The following SEPTIN10 variants were observed in gnomAD, a reference collection of about 807,000 sequenced individuals.
The protein encoded by SEPTIN10 is septin-10.
A neutral mutation model predicts 54.8 loss-of-function variants in SEPTIN10; 66 were observed. The observed-to-expected ratio is 1.21, with a 90% CI of 0.99 to 1.48. The LOEUF is 1.48. SEPTIN10 is among the 40% of genes most tolerant of loss of function. The probability of loss-of-function intolerance (pLI) is 0.00; values close to 1 mark genes in which losing one functional copy is unlikely to be tolerated. For missense variants in SEPTIN10, 620 were observed against 545.6 expected (o/e 1.14, Z -1.36); for synonymous variants, 161 against 181.0 (o/e 0.89, Z 0.89).
intron 3 of SEPTIN10, among the ~76,000 whole-genome samples, 164 bp from the exon 4 acceptor site, chr2:109,585,485 T>C (rs913098659): frequency 4.6e-5 from 7 of 152,214 alleles, no homozygotes; most frequent in South Asian, 2.1e-4. Flanking sequence ...TAGCAGAGCA[T>C]AGAGTAAGTG....
intron 8 of SEPTIN10, among the ~76,000 whole-genome samples, chr2:109,557,242 C>T (rs1684593246): frequency 6.6e-6 from 1 of 151,682 alleles, no homozygotes. Context: ...TAAAACAATG[C>T]TTCATTAATC....
chr2:109,569,476 T>A (rs1687862753), intron 5 of SEPTIN10, among the ~76,000 whole-genome samples: 1 of 151,742 alleles, frequency 6.6e-6, no homozygotes. Flanking sequence ...ATAATTCCTA[T>A]TCTAAATTTT....
At chr2:109,545,268 G>A (rs1680890323) in intron 10 of SEPTIN10, 7 of 1,395,670 alleles carry the variant, frequency 5.0e-6, no homozygotes, top group African/African-American at 2.9e-5. Flanking sequence ...TAGTTAAACC[G>A]ACAGGGATAC....
intron 1 of SEPTIN10, among the ~76,000 whole-genome samples, chr2:109,608,292 A>C (rs1469158561): frequency 6.6e-6 from 1 of 152,200 alleles, no homozygotes; most frequent in East Asian, 1.9e-4. Flanking sequence ...CACTCACAGA[A>C]CATTCAAGGT....
chr2:109,571,898 CTT>C lies in SEPTIN10; in HGVS notation c.600+2681_600+2682del, dbSNP rs907608887. Among the ~76,000 whole-genome samples, 80 of 152,208 alleles carry C rather than the reference CTT, an allele frequency of 5.3e-4. 6 individuals are homozygous for C. Among genetic ancestry groups the C allele is most frequent in the African/African-American group, 2.4e-5 (1 of 41,448 alleles). ...CAATATAAATTGCTCCTGGCTAACA[CTT>C]CTTAAAGACTTTTGATGACTCAAAG... On this transcript the variant is annotated intron_variant, in intron 5 of 10. Coordinates refer to ENST00000397712, the MANE Select transcript of SEPTIN10 (RefSeq NM_144710.5).
intron 8 of SEPTIN10, among the ~76,000 whole-genome samples, chr2:109,560,078 G>A (rs915430414): frequency 1.3e-5 from 2 of 151,862 alleles, no homozygotes; most frequent in South Asian, 4.2e-4. Context: ...CCGCCACCAC[G>A]CCCAGCTAAT....
chr2:109,575,158 T>C (rs1689386156), intron 4 of SEPTIN10, among the ~76,000 whole-genome samples: 2 of 152,252 alleles, frequency 1.3e-5, no homozygotes, highest in Admixed American at 1.3e-4. Flanking sequence ...TTCATTCTCA[T>C]AGTCATTCAC....
intron 9 of SEPTIN10, among the ~76,000 whole-genome samples, chr2:109,547,214 G>A (rs973281145): frequency 2.0e-5 from 3 of 152,106 alleles, no homozygotes; most frequent in Admixed American, 1.3e-4. Flanking sequence ...TGCCTCTAGA[G>A]ACTCCAAGTC....
intron 9 of SEPTIN10, among the ~76,000 whole-genome samples, chr2:109,551,445 C>T (rs184787620): frequency 8.7e-4 from 132 of 152,240 alleles, no homozygotes; most frequent in East Asian, 6.6e-3. Flanking sequence ...GTACAATATG[C>T]AATCTGTGAT....
intron 1 of SEPTIN10, among the ~76,000 whole-genome samples, chr2:109,602,885 T>C (rs888135545): frequency 7.9e-6 from 1 of 126,896 alleles, no homozygotes; most frequent in African/African-American, 3.1e-5. Flanking sequence ...CTGAACAACA[T>C]AGGCAGACCC....
At chr2:109,554,811 A>G (rs186679760) in intron 8 of SEPTIN10, among the ~76,000 whole-genome samples, 18 of 152,300 alleles carry the variant, frequency 1.2e-4, no homozygotes, top group African/African-American at 4.3e-4. Context: ...GAAATTTCCT[A>G]TAGCATGAAA....
In SEPTIN10 at chr2:109,577,318, C is replaced by T. The variant is rs112739610; in HGVS notation, c.414-2551G>A. On this transcript the variant is annotated intron_variant, in intron 4 of 10. Transcript: ENST00000397712. ...GTAGTTAAAAAATAGAGAACTCGGC[C>T]GGGCATGGTGGCTCACTGTAATTCC... 7.6e-3 allele frequency among the ~76,000 whole-genome samples: 1,159 copies of T among 152,150 alleles called. 19 individuals carry two copies. Among genetic ancestry groups the T allele is most frequent in the African/African-American group, 0.026 (1,095 of 41,500 alleles).
At chr2:109,595,507 A>C (rs1008622214) in intron 1 of SEPTIN10, among the ~76,000 whole-genome samples, 4 of 152,200 alleles carry the variant, frequency 2.6e-5, no homozygotes, top group African/African-American at 7.2e-5. Context: ...GGACAGAAAC[A>C]AAGTGAGAGC....
chr2:109,580,807 G>T (rs1690922928), intron 4 of SEPTIN10, among the ~76,000 whole-genome samples: 2 of 152,218 alleles, frequency 1.3e-5, no homozygotes. Flanking sequence ...CCTCTTTTAT[G>T]AGCCCTACCA....
At chr2:109,545,346 T>G in intron 10 of SEPTIN10, 1 of 1,496,966 alleles carries the variant, frequency 6.7e-7, no homozygotes. Flanking sequence ...AAAAATAAAC[T>G]TATTTTCTAA....
intron 1 of SEPTIN10, among the ~76,000 whole-genome samples, chr2:109,601,724 C>T (rs1013428945): frequency 6.6e-6 from 1 of 151,440 alleles, no homozygotes; most frequent in African/African-American, 2.4e-5. Flanking sequence ...CGGCTTCTTC[C>T]TTAAATATAA....
chr2:109,613,144 C>A (rs1699640428), intron 1 of SEPTIN10: 2 of 1,286,200 alleles, frequency 1.6e-6, no homozygotes, highest in Admixed American at 2.3e-5. Flanking sequence ...ATGTACACGA[C>A]CTTGGTACTA....
At chr2:109,600,135 C>T (rs1696301531) in intron 1 of SEPTIN10, among the ~76,000 whole-genome samples, 1 of 152,058 alleles carries the variant, frequency 6.6e-6, no homozygotes, top group East Asian at 1.9e-4. Context: ...GATGTCAGGG[C>T]TGCCTGGCCC....
In SEPTIN10 at chr2:109,610,357, G is replaced by C. The variant is rs546487771; in HGVS notation, c.30+3441C>G. Among the ~76,000 whole-genome samples, 111 of 152,090 alleles carry C rather than the reference G, an allele frequency of 7.3e-4. 1 individual carries two copies. The highest frequency in any genetic ancestry group is 2.6e-4 in the Non-Finnish European group (18 of 67,976). On this transcript the variant is annotated intron_variant, in intron 1 of 10. Transcript: ENST00000397712. ...TCCATCTGGGCCTCCCAAAGTGCTG[G>C]GATTACAGGTGTGAGCCACTGCGCC... is the stretch of plus-strand genomic sequence containing the variant.
Sources: gnomAD v4.1 joint callset for allele counts (sites outside exome capture counted in the v4.1 genomes callset) on GRCh38, gnomAD v4.1.1 for gene constraint, MANE v1.5 for transcripts, NCBI Gene and HGNC (gene_info 2026-07-23, HGNC 2026-07-21) for gene names.